Variants in CACNA1D observed in about 807,000 individuals in gnomAD.
The protein encoded by CACNA1D is calcium voltage-gated channel subunit alpha1 D, also known as voltage-dependent L-type calcium channel subunit alpha-1D.
A neutral mutation model predicts 257.1 loss-of-function variants in CACNA1D; 55 were observed. The observed-to-expected ratio is 0.21, with a 90% CI of 0.17 to 0.27. The LOEUF is 0.27. Ranked by LOEUF, CACNA1D falls within the 10% of genes least tolerant of loss-of-function variation. The pLI is 1.00. For synonymous variants in CACNA1D, 980 were observed against 1,014.9 expected (o/e 0.97, Z 0.65); for missense variants, 1,876 against 2,784.0 (o/e 0.67, Z 7.34).
intron 3 of CACNA1D, among the ~76,000 whole-genome samples, chr3:53,546,180 C>T (rs1312334747): frequency 8.5e-5 from 13 of 152,164 alleles, no homozygotes; most frequent in Admixed American, 1.3e-4. Context: ...TGGCCGTCGC[C>T]GTGTCAGCTG....
chr3:53,696,772 A>T (rs2094576944), intron 8 of CACNA1D, among the ~76,000 whole-genome samples: 1 of 152,088 alleles, frequency 6.6e-6, no homozygotes, highest in African/African-American at 2.4e-5. Flanking sequence ...TGGCCAGAGT[A>T]TAAGGTGTGC....
chr3:53,724,019 C>T lies in CACNA1D; in HGVS notation c.2100+20C>T, dbSNP rs774667022. ...TTCCAGGTGAGTCCTCCCTCCATTCCCCGAAAAGCACTTCGTGAGCAGCAG... is the reference window on the plus strand; with the variant it reads ...TTCCAGGTGAGTCCTCCCTCCATTCTCCGAAAAGCACTTCGTGAGCAGCAG... On this transcript the variant is annotated intron_variant, in intron 14 of 47. Coordinates refer to ENST00000350061, the MANE Select transcript of CACNA1D (RefSeq NM_001128840.3). 1.8e-5 allele frequency: 29 copies of T among 1,596,172 alleles called. No individual in the cohort carries two copies. The highest frequency in any genetic ancestry group is 2.3e-5 in the Non-Finnish European group (27 of 1,163,744).
At chr3:53,579,181 C>G (rs2093089447) in intron 3 of CACNA1D, among the ~76,000 whole-genome samples, 1 of 152,200 alleles carries the variant, frequency 6.6e-6, no homozygotes, top group East Asian at 1.9e-4. Flanking sequence ...TATTTTTACT[C>G]TCAACAGTAA....
intron 4 of CACNA1D, among the ~76,000 whole-genome samples, chr3:53,654,346 AAAT>A (rs2094128101): frequency 6.6e-6 from 1 of 152,226 alleles, no homozygotes; most frequent in Admixed American, 6.5e-5. Flanking sequence ...TTTAAAGCAA[AAAT>A]AATAACAGTG....
intron 9 of CACNA1D, among the ~76,000 whole-genome samples, chr3:53,708,753 T>G (rs115748911): frequency 6.6e-6 from 1 of 152,330 alleles, no homozygotes; most frequent in African/African-American, 2.4e-5. Context: ...TTTCAAAGTA[T>G]ATAAAGTAAG....
At chr3:53,504,926 A>T (rs2107166422) in intron 3 of CACNA1D, among the ~76,000 whole-genome samples, 1 of 152,114 alleles carries the variant, frequency 6.6e-6, no homozygotes, top group South Asian at 2.1e-4. Flanking sequence ...GAAATTAAAA[A>T]TGTCCAGAAT....
chr3:53,775,787 T>C, intron 34 of CACNA1D, 99 bp from the exon 35 acceptor site: 1 of 1,150,074 alleles, frequency 8.7e-7, no homozygotes, highest in Non-Finnish European at 1.3e-6. Context: ...TTCAAATGAC[T>C]TAGGTTTTGC....
intron 8 of CACNA1D, among the ~76,000 whole-genome samples, chr3:53,695,616 C>A (rs554298459): frequency 1.1e-3 from 161 of 152,228 alleles, no homozygotes; most frequent in Non-Finnish European, 1.9e-3. Flanking sequence ...GTGACAGTGA[C>A]CGTAGCATGG....
intron 9 of CACNA1D, among the ~76,000 whole-genome samples, chr3:53,710,757 G>A (rs2094745046): frequency 6.6e-6 from 1 of 152,144 alleles, no homozygotes; most frequent in African/African-American, 2.4e-5. Flanking sequence ...AGACTGGAAG[G>A]CAGACTTTTA....
chr3:53,517,900 C>CT (rs1212094829), intron 3 of CACNA1D, among the ~76,000 whole-genome samples: 9 of 152,208 alleles, frequency 5.9e-5, no homozygotes, highest in Admixed American at 5.9e-4. Flanking sequence ...ATGGATAGGC[C>CT]TGTAACCCAG....
rs1244718940 is a variant in CACNA1D at position 53,793,329 on chromosome 3, CCCGTCAGTCCTGTGGGGGT to C, written c.4923+6388_4923+6406del. Among the ~76,000 whole-genome samples, 1 of 152,172 alleles carries C rather than the reference CCCGTCAGTCCTGTGGGGGT, an allele frequency of 6.6e-6. No homozygotes were observed. Among genetic ancestry groups the C allele is most frequent in the Non-Finnish European group, 1.5e-5 (1 of 68,036 alleles). On this transcript the variant is annotated intron_variant, in intron 40 of 47. Transcript: ENST00000350061. This position sits in a 1 kb window ranked among gnomAD's most constrained non-coding sequence, Gnocchi z 4.1. The stretch of plus-strand genomic sequence containing the variant: ...TGATGTATCGTCCCTGAAAGGGAAG[CCCGTCAGTCCTGTGGGGGT>C]CCGTCAGTCCCTCTGTCTGTCTTTG...
At chr3:53,702,382 T>C (rs1158125897) in intron 8 of CACNA1D, among the ~76,000 whole-genome samples, 1 of 152,194 alleles carries the variant, frequency 6.6e-6, no homozygotes, top group African/African-American at 2.4e-5. Context: ...TTGAGATCGC[T>C]GTCATCGAGG....
chr3:53,500,961 C>T (rs1461537335), intron 2 of CACNA1D, among the ~76,000 whole-genome samples: 2 of 152,172 alleles, frequency 1.3e-5, no homozygotes, highest in Non-Finnish European at 2.9e-5. Flanking sequence ...AGCTCCAGTC[C>T]GGCTCTAATC....
chr3:53,660,288 T>G lies in CACNA1D; in HGVS notation c.766+13T>G. 2.5e-6 allele frequency: 4 copies of G among 1,613,610 alleles called. No homozygotes were observed. Among genetic ancestry groups the G allele is most frequent in the Non-Finnish European group, 3.4e-6 (4 of 1,179,662 alleles). On this transcript the variant is annotated intron_variant, in intron 5 of 47. Transcript: ENST00000350061. Reference sequence around the variant, plus strand: ...TCAGGAGTGCCCAGTAAGCACTTATTGTTTCCTAGAGTCAGGAGTGTGCTG... The same window carrying G: ...TCAGGAGTGCCCAGTAAGCACTTATGGTTTCCTAGAGTCAGGAGTGTGCTG...
rs186055695 is a variant in CACNA1D, at chr3:53,768,051, T to C, written c.3871-1922T>C. 1.8e-4 allele frequency among the ~76,000 whole-genome samples: 28 copies of C among 152,342 alleles called. No homozygotes were observed. In the East Asian group the frequency reaches 5.2e-3, roughly 28 times the overall value. The stretch of plus-strand genomic sequence containing the variant: ...GGTTTGAAGTTCATAGTCCATAGGT[T>C]GTCAGTTTCAAAGATATCAGTTGAA... On this transcript the variant is annotated intron_variant, in intron 30 of 47. Coordinates refer to ENST00000350061, the MANE Select transcript of CACNA1D (RefSeq NM_001128840.3).
intron 15 of CACNA1D, among the ~76,000 whole-genome samples, chr3:53,728,885 A>G (rs1469672229): frequency 6.6e-6 from 1 of 152,148 alleles, no homozygotes; most frequent in Non-Finnish European, 1.5e-5. Flanking sequence ...ACTCTTTAGG[A>G]GGGTCTGAGT....
chr3:53,529,742 AGCAACT>A (rs937620288), intron 3 of CACNA1D, among the ~76,000 whole-genome samples: 3 of 152,158 alleles, frequency 2.0e-5, no homozygotes, highest in African/African-American at 7.2e-5. Context: ...AAGTGGGTTG[AGCAACT>A]CATACCATTC....
chr3:53,759,587 T>C (rs2095288326), intron 29 of CACNA1D, among the ~76,000 whole-genome samples: 1 of 152,214 alleles, frequency 6.6e-6, no homozygotes, highest in Admixed American at 6.5e-5. Flanking sequence ...GTAAATTCCT[T>C]CCTAGAGGGG....
At chr3:53,701,136 G>GTTATTATTA (rs200118929) in intron 8 of CACNA1D, among the ~76,000 whole-genome samples, 2 of 149,024 alleles carry the variant, frequency 1.3e-5, no homozygotes, top group African/African-American at 4.9e-5. Flanking sequence ...TGTTGTTGTT[G>GTTATTATTA]TTATTATTAT....
Sources: allele counts gnomAD v4.1 joint callset (sites outside exome capture counted in the v4.1 genomes callset), GRCh38; gene constraint gnomAD v4.1.1; non-coding constraint Gnocchi (gnomAD v3.1); transcripts MANE v1.5; gene names NCBI Gene and HGNC (gene_info 2026-07-23, HGNC 2026-07-21).